The following TPRG1 variants were observed in gnomAD, a reference collection of about 807,000 sequenced individuals.
TPRG1 encodes tumor protein p63 regulated 1, also known as tumor protein p63-regulated gene 1 protein.
A neutral mutation model predicts 29.3 loss-of-function variants in TPRG1; 29 were observed. That is an observed-to-expected ratio of 0.99 (90% CI 0.74 to 1.35). The LOEUF (loss-of-function observed/expected upper bound fraction) is 1.35, where lower values mean the gene tolerates loss of function less well. Ranked by LOEUF, TPRG1 falls within the 40% of genes most tolerant of loss-of-function variation. The probability of loss-of-function intolerance (pLI) is 0.00; values close to 1 mark genes in which losing one functional copy is unlikely to be tolerated. For synonymous variants in TPRG1, 130 were observed against 116.8 expected, an observed-to-expected ratio of 1.11 and a Z score of -0.73; for missense variants, 327 against 335.0, an observed-to-expected ratio of 0.98 and a Z score of 0.19.
rs548541519 is a variant in TPRG1, at chr3:189,215,397, G to T, written c.302+14G>T. On this transcript the variant is annotated intron_variant, in intron 3 of 5. Transcript: ENST00000345063. ...GCTCTTGACAAAGTGAGTAGTCACA[G>T]CTAAGTGAAGGGCCGTGGAAATACA... 53 of 1,603,830 alleles carry T rather than the reference G, an allele frequency of 3.3e-5. No individual in the cohort carries two copies. The South Asian group carries it at 5.0e-4, about 15-fold the overall frequency.
intron 1 of TPRG1, among the ~76,000 whole-genome samples, chr3:189,202,534 A>G (rs1298760631): frequency 2.6e-5 from 4 of 152,204 alleles, no homozygotes; most frequent in Non-Finnish European, 5.9e-5. Context: ...GGCAAAACGT[A>G]ATAGGTTTGG....
rs139029501 is a variant in TPRG1, at chr3:189,321,087, GATC to G, written c.*272_*274del. On this transcript the variant is annotated 3_prime_UTR_variant, in exon 6 of 6. Transcript: ENST00000345063. Reference sequence around the variant, plus strand: ...AAATACTGTTATCAAATGAGTGCCTGATCATCAACTCAGGAAAGAAGACTCTAA... The same window carrying G: ...AAATACTGTTATCAAATGAGTGCCTGATCAACTCAGGAAAGAAGACTCTAA... The G allele has an allele frequency of 4.7e-3, 1,152 of 246,964 alleles. 1 individual carries two copies. The highest frequency in any genetic ancestry group is 6.1e-3 in the Middle Eastern group (5 of 818). 15.3% of individuals were successfully genotyped at this position (246,964 alleles called of 1,614,324 possible). A position where few individuals can be genotyped will look rare whatever the true frequency, so the allele number is the denominator to read the frequency against.
At chr3:189,189,975 C>A (rs975525071) in intron 1 of TPRG1, among the ~76,000 whole-genome samples, 26 of 152,102 alleles carry the variant, frequency 1.7e-4, no homozygotes, top group African/African-American at 5.6e-4. Context: ...TATAGACTGG[C>A]TATAGCCCAT....
chr3:189,027,899 T>C (rs1384103235), intron 4 of TPRG1, among the ~76,000 whole-genome samples: 1 of 152,156 alleles, frequency 6.6e-6, no homozygotes, highest in African/African-American at 2.4e-5. Context: ...GAAAAACTTA[T>C]TACCGATTCC....
At chr3:189,000,281 T>C (rs1038677683) in intron 1 of TPRG1, among the ~76,000 whole-genome samples, 2 of 152,124 alleles carry the variant, frequency 1.3e-5, no homozygotes, top group Non-Finnish European at 1.5e-5. Flanking sequence ...TGTACATCTT[T>C]TACTATATTG....
intron 4 of TPRG1, among the ~76,000 whole-genome samples, chr3:189,033,535 A>G (rs1022605718): frequency 4.6e-5 from 7 of 151,368 alleles, no homozygotes; most frequent in African/African-American, 1.7e-4. Flanking sequence ...GCCCTCCTCA[A>G]AGTGCTGGGA....
intron 4 of TPRG1, among the ~76,000 whole-genome samples, chr3:189,241,615 G>T (rs1041475882): frequency 1.3e-5 from 2 of 151,938 alleles, no homozygotes; most frequent in Non-Finnish European, 2.9e-5. Flanking sequence ...ATATGGTTTG[G>T]TTGTGTCCCC....
chr3:189,009,678 T>C (rs1712491278), intron 3 of TPRG1, among the ~76,000 whole-genome samples: 1 of 152,064 alleles, frequency 6.6e-6, no homozygotes, highest in Non-Finnish European at 1.5e-5. Context: ...TAATGCAAAG[T>C]TCTTTCCCAA....
chr3:189,080,990 C>T (rs1046112987), intron 4 of TPRG1, among the ~76,000 whole-genome samples: 2 of 151,866 alleles, frequency 1.3e-5, no homozygotes, highest in Admixed American at 6.6e-5. Context: ...AGAGTCTTGT[C>T]AAGGGATTGG....
chr3:189,143,195 G>A (rs1376013712), intron 3 of TPRG1, among the ~76,000 whole-genome samples: 1 of 152,054 alleles, frequency 6.6e-6, no homozygotes, highest in East Asian at 1.9e-4. Context: ...TTTCCAAAAG[G>A]TTTTACATCC....
intron 1 of TPRG1, among the ~76,000 whole-genome samples, chr3:189,100,898 A>G (rs1020263636): frequency 1.3e-5 from 2 of 152,238 alleles, no homozygotes; most frequent in Non-Finnish European, 2.9e-5. Flanking sequence ...CCAGAAAAAT[A>G]TTAGCTTGGA....
chr3:189,315,308 G>A (rs2109341902), intron 5 of TPRG1, among the ~76,000 whole-genome samples: 1 of 152,006 alleles, frequency 6.6e-6, no homozygotes, highest in South Asian at 2.1e-4. Flanking sequence ...GTGTGTGTGT[G>A]TGTGTGTAAG....
At chr3:189,057,341 G>A (rs1715766286) in intron 4 of TPRG1, among the ~76,000 whole-genome samples, 1 of 152,106 alleles carries the variant, frequency 6.6e-6, no homozygotes, top group African/African-American at 2.4e-5. Flanking sequence ...CCTCTGGGCT[G>A]TAACATGAAA....
intron 4 of TPRG1, among the ~76,000 whole-genome samples, chr3:189,263,895 C>G (rs1378956012): frequency 6.6e-6 from 1 of 152,082 alleles, no homozygotes; most frequent in East Asian, 1.9e-4. Flanking sequence ...ATGGAGGCAG[C>G]AGGGTTATTG....
chr3:189,166,440 T>G (rs1728176663), intron 5 of TPRG1, among the ~76,000 whole-genome samples: 1 of 152,174 alleles, frequency 6.6e-6, no homozygotes, highest in South Asian at 2.1e-4. Context: ...AGACCTCACT[T>G]TGAGCACGTC....
chr3:189,316,666 C>T (rs1011186629), intron 5 of TPRG1, among the ~76,000 whole-genome samples: 1 of 152,150 alleles, frequency 6.6e-6, no homozygotes, highest in Non-Finnish European at 1.5e-5. Flanking sequence ...CCCCCTGTCC[C>T]CACCACGCAC....
At chr3:189,177,334 T>C (rs1401374271) in intron 1 of TPRG1, among the ~76,000 whole-genome samples, 1 of 152,026 alleles carries the variant, frequency 6.6e-6, no homozygotes, top group Non-Finnish European at 1.5e-5. Context: ...GGAGTAAATG[T>C]ATAAATCTGG....
chr3:189,217,885 G>C (rs1736309798), intron 3 of TPRG1: 2 of 985,154 alleles, frequency 2.0e-6, no homozygotes, highest in South Asian at 9.4e-5. Flanking sequence ...AGCACACCAA[G>C]GCAGGGAAAG....
At chr3:189,040,904 G>A (rs906909580) in intron 4 of TPRG1, among the ~76,000 whole-genome samples, 1 of 152,136 alleles carries the variant, frequency 6.6e-6, no homozygotes, top group African/African-American at 2.4e-5. Context: ...CTGGGCTTTG[G>A]CAGCTATTCC....
Sources: gnomAD v4.1 joint callset for allele counts (sites outside exome capture counted in the v4.1 genomes callset) on GRCh38, gnomAD v4.1.1 for gene constraint, MANE v1.5 for transcripts, NCBI Gene and HGNC (gene_info 2026-07-23, HGNC 2026-07-21) for gene names.